MYH16: variants seen among roughly 807,000 people sequenced by gnomAD.
The protein encoded by MYH16 is myosin heavy chain 16.
At chr7:99,269,392 C>T (rs1792022556) in intron 18 of MYH16, among the ~76,000 whole-genome samples, 1 of 152,042 alleles carries the variant, frequency 6.6e-6, no homozygotes, top group Admixed American at 6.6e-5. Flanking sequence ...TCTCCCACCT[C>T]AGCCTCTCGA....
intron 10 of MYH16, chr7:99,258,098 C>T (rs1364130886): frequency 4.6e-5 from 7 of 152,648 alleles, no homozygotes; most frequent in African/African-American, 1.4e-4. Flanking sequence ...CTTGCACTCA[C>T]CTGCCTTTTT....
intron 19 of MYH16, among the ~76,000 whole-genome samples, chr7:99,271,681 T>A (rs2150815839): frequency 6.6e-6 from 1 of 152,356 alleles, no homozygotes; most frequent in South Asian, 2.1e-4. Flanking sequence ...TCAGGATAAC[T>A]GGGATATCCA....
At chr7:99,292,545 C>A in intron 32 of MYH16, 37 bp downstream of exon 13, 1 of 451,634 alleles carries the variant, frequency 2.2e-6, no homozygotes, top group South Asian at 1.6e-5. Flanking sequence ...GCCAGGTGGG[C>A]TGGGCAGGTG....
At chr7:99,279,731 G>A in exon 22 of MYH16, 1 of 455,476 alleles carries the variant, frequency 2.2e-6, no homozygotes, top group Non-Finnish European at 4.4e-6. Context: ...CAGAGAAGGA[G>A]AAGCAGGTGA....
At chr7:99,248,064 T>C (rs1331411790) in intron 3 of MYH16, among the ~76,000 whole-genome samples, 1 of 152,204 alleles carries the variant, frequency 6.6e-6, no homozygotes, top group Non-Finnish European at 1.5e-5. Flanking sequence ...AACCATTACC[T>C]CTATGATCTT....
chr7:99,295,394 A>G (rs943684039), intron 33 of MYH16, among the ~76,000 whole-genome samples: 4 of 151,838 alleles, frequency 2.6e-5, no homozygotes, highest in African/African-American at 7.3e-5. Context: ...AAAAGAAAAG[A>G]AAGTTACATG....
intron 36 of MYH16, among the ~76,000 whole-genome samples, chr7:99,299,151 T>C (rs944098152): frequency 3.9e-5 from 6 of 151,928 alleles, no homozygotes; most frequent in Non-Finnish European, 8.8e-5. Flanking sequence ...GAGGCTGAGA[T>C]GGGAAGATCA....
intron 18 of MYH16, among the ~76,000 whole-genome samples, chr7:99,267,219 T>C (rs924275310): frequency 1.3e-5 from 2 of 152,182 alleles, no homozygotes; most frequent in African/African-American, 4.8e-5. Flanking sequence ...CAATCAATGG[T>C]AGAATATTTC....
At chr7:99,245,127 A>G (rs1055878403) in intron 2 of MYH16, among the ~76,000 whole-genome samples, 1 of 152,130 alleles carries the variant, frequency 6.6e-6, no homozygotes, top group African/African-American at 2.4e-5. Flanking sequence ...GACAGGCTGG[A>G]GGGGAAGAGT....
intron 1 of MYH16, among the ~76,000 whole-genome samples, chr7:99,240,943 T>A (rs1361351371): frequency 2.6e-5 from 4 of 151,966 alleles, no homozygotes; most frequent in Admixed American, 2.0e-4. Context: ...AAAGATATAG[T>A]TGGGTGGAAA....
At chr7:99,303,953 A>G (rs887619208) in intron 39 of MYH16, among the ~76,000 whole-genome samples, 1 of 152,160 alleles carries the variant, frequency 6.6e-6, no homozygotes, top group Non-Finnish European at 1.5e-5. Context: ...TATGCCCCCA[A>G]GTGCTCTCAG....
chr7:99,277,972 AGACAGCG>A (rs1792142337), intron 21 of MYH16, among the ~76,000 whole-genome samples: 2 of 148,034 alleles, frequency 1.4e-5, no homozygotes, highest in African/African-American at 5.1e-5. Flanking sequence ...ACAGACAGAC[AGACAGCG>A]ACATGGTCTT....
chr7:99,307,665 A>G (rs911066737), downstream of MYH16, among the ~76,000 whole-genome samples: 1 of 151,988 alleles, frequency 6.6e-6, no homozygotes, highest in African/African-American at 2.4e-5. Context: ...CTGAGGTTAC[A>G]ATGATCTAGC....
At chr7:99,305,227 A>C (rs1251916017) in intron 40 of MYH16, among the ~76,000 whole-genome samples, 2 of 151,796 alleles carry the variant, frequency 1.3e-5, no homozygotes, top group African/African-American at 4.8e-5. Context: ...GAAAGAAGGA[A>C]GGGAGGGAAA....
intron 2 of MYH16, among the ~76,000 whole-genome samples, chr7:99,244,378 T>G (rs1791704415): frequency 1.3e-5 from 2 of 152,252 alleles, no homozygotes; most frequent in African/African-American, 4.8e-5. Flanking sequence ...TTTGAAATCT[T>G]AAGACAGAAA....
At chr7:99,274,872 C>T (rs1351745898) in intron 20 of MYH16, among the ~76,000 whole-genome samples, 1 of 152,052 alleles carries the variant, frequency 6.6e-6, no homozygotes, top group East Asian at 1.9e-4. Context: ...CAGGGTTTTA[C>T]CATGCTGGCC....
At chr7:99,310,101 A>G (rs1459241432), downstream of MYH16, among the ~76,000 whole-genome samples, 1 of 152,246 alleles carries the variant, frequency 6.6e-6, no homozygotes, top group Non-Finnish European at 1.5e-5. Flanking sequence ...AATTTAAGAG[A>G]ATAAATAAAA....
downstream of MYH16, among the ~76,000 whole-genome samples, chr7:99,308,936 T>C (rs540073563): frequency 3.9e-5 from 6 of 152,062 alleles, no homozygotes; most frequent in African/African-American, 1.2e-4. Context: ...TACAAAAAAA[T>C]GTAAAAAATG....
chr7:99,296,638 G>T lies in MYH16; in HGVS notation n.4283-63G>T, dbSNP rs527686863. On this transcript the variant is annotated intron_variant and non_coding_transcript_variant, in intron 33 of 41. Coordinates refer to ENST00000439784, the Ensembl canonical transcript of MYH16. The stretch of plus-strand genomic sequence containing the variant: ...GGAGGGAAGAGAGGTTGGTGGGGGG[G>T]TGGGAGTAGGGGACAGAGGCAAGGA... The T allele has an allele frequency of 7.9e-4, 352 of 443,312 alleles. 4 individuals are homozygous for T. The highest frequency in any genetic ancestry group is 3.9e-3 in the South Asian group (250 of 63,726). 27.5% of individuals were successfully genotyped at this position (443,312 alleles called of 1,614,324 possible).
Sources: allele counts gnomAD v4.1 joint callset (sites outside exome capture counted in the v4.1 genomes callset), GRCh38; gene constraint gnomAD v4.1.1; transcripts MANE v1.5; gene names NCBI Gene and HGNC (gene_info 2026-07-23, HGNC 2026-07-21).